The following ILKAP variants were observed in gnomAD, a reference collection of about 807,000 sequenced individuals.
The protein encoded by ILKAP is integrin-linked kinase-associated serine/threonine phosphatase 2C.
Under a neutral mutation model 49.1 loss-of-function variants are expected in ILKAP, and 11 were observed. The observed-to-expected ratio is 0.22, with a 90% CI of 0.14 to 0.37. ILKAP has a LOEUF of 0.37. Among genes scored for constraint, ILKAP ranks in the 10% least tolerant of loss-of-function variants. The pLI, the probability that ILKAP is intolerant of heterozygous loss-of-function variation, is 1.00. For missense variants in ILKAP, 363 were observed against 510.8 expected (o/e 0.71, Z 2.79); for synonymous variants, 186 against 192.8 (o/e 0.96, Z 0.29).
intron 1 of ILKAP, among the ~76,000 whole-genome samples, chr2:238,202,041 A>G (rs1467204158): frequency 6.6e-6 from 1 of 152,090 alleles, no homozygotes; most frequent in Non-Finnish European, 1.5e-5. Flanking sequence ...CCTACCCAAC[A>G]TGGTGAAACC....
chr2:238,172,756 G>A (rs774131427), intron 10 of ILKAP, among the ~76,000 whole-genome samples: 2 of 152,180 alleles, frequency 1.3e-5, no homozygotes, highest in Admixed American at 1.3e-4. Context: ...AGGCCCACTC[G>A]CCACAGTGCC....
Position 238,203,635 on chromosome 2 carries a change from G to GCAGCAGCGGGCGGGCGA in ILKAP, c.-99_-83dup, listed in dbSNP as rs1694673181. 1.1e-6 allele frequency: 1 copy of GCAGCAGCGGGCGGGCGA among 872,838 alleles called. No individual in the cohort carries two copies. Among genetic ancestry groups the GCAGCAGCGGGCGGGCGA allele is most frequent in the Non-Finnish European group, 1.4e-6 (1 of 690,732 alleles). 54.1% of individuals were successfully genotyped at this position (872,838 alleles called of 1,614,324 possible). A position where few individuals can be genotyped will look rare whatever the true frequency, so the allele number is the denominator to read the frequency against. On this transcript the variant is annotated 5_prime_UTR_variant, in exon 1 of 12. Coordinates refer to ENST00000254654, the MANE Select transcript of ILKAP (RefSeq NM_030768.3). ...CCGGGCTCCACACCCCGGGCGGGCG[G>GCAGCAGCGGGCGGGCGA]CAGCAGCGGGCGGGCGACGGGCAGG...
chr2:238,198,301 T>C (rs1372303040), intron 1 of ILKAP, among the ~76,000 whole-genome samples: 1 of 152,052 alleles, frequency 6.6e-6, no homozygotes, highest in African/African-American at 2.4e-5. Context: ...TGCAGTGGTG[T>C]GATCACAGCT....
intron 2 of ILKAP, 44 bp from the exon 3 acceptor site, chr2:238,194,375 A>C: frequency 6.3e-7 from 1 of 1,583,716 alleles, no homozygotes; most frequent in Non-Finnish European, 8.7e-7. Context: ...AAAAATATGT[A>C]AGACTTAAGT....
chr2:238,191,910 A>T (rs1165142464), intron 3 of ILKAP, among the ~76,000 whole-genome samples: 1 of 151,640 alleles, frequency 6.6e-6, no homozygotes, highest in Non-Finnish European at 1.5e-5. Context: ...ATCTCAAAAA[A>T]AAAAAAAAGA....
At chr2:238,175,545 C>T (rs577602534) in intron 9 of ILKAP, among the ~76,000 whole-genome samples, 20 of 152,274 alleles carry the variant, frequency 1.3e-4, no homozygotes, top group African/African-American at 4.8e-4. Context: ...ACACTCAATG[C>T]GATGTCCTAC....
intron 10 of ILKAP, 136 bp from the exon 11 acceptor site, chr2:238,171,160 CTTTT>C (rs370968879): frequency 5.7e-4 from 229 of 398,608 alleles, no homozygotes; most frequent in East Asian, 8.5e-4. Context: ...TTTCTTTTTT[CTTTT>C]TTTTTTTTTT....
intron 1 of ILKAP, 41 bp from the exon 2 acceptor site, chr2:238,194,911 AC>A (rs1344105095): frequency 7.4e-6 from 11 of 1,478,208 alleles, no homozygotes; most frequent in African/African-American, 5.5e-5. Flanking sequence ...TATGGTCATC[AC>A]CCAGGACAGA....
At chr2:238,199,446 G>C (rs1471559387) in intron 1 of ILKAP, among the ~76,000 whole-genome samples, 1 of 152,192 alleles carries the variant, frequency 6.6e-6, no homozygotes, top group Non-Finnish European at 1.5e-5. Flanking sequence ...TAATCTGATG[G>C]GTGAAAAGGT....
rs1694670551 is a variant in ILKAP, at chr2:238,203,601, G to A, written c.-48C>T. The A allele has an allele frequency of 9.1e-6, 10 of 1,101,054 alleles. No individual in the cohort carries two copies. The highest frequency in any genetic ancestry group is 1.1e-5 in the Non-Finnish European group (10 of 894,222). 68.2% of individuals were successfully genotyped at this position (1,101,054 alleles called of 1,614,324 possible). On this transcript the variant is annotated 5_prime_UTR_variant, in exon 1 of 12. Coordinates refer to ENST00000254654, the MANE Select transcript of ILKAP (RefSeq NM_030768.3). ...CAGCAGCGACAGACACTCAGCCCGC[G>A]AGCAGCGGCCGGGCTCCACACCCCG...
At chr2:238,193,370 G>A (rs1390880001) in intron 3 of ILKAP, among the ~76,000 whole-genome samples, 2 of 152,142 alleles carry the variant, frequency 1.3e-5, no homozygotes, top group Non-Finnish European at 2.9e-5. Flanking sequence ...ACAGGCACAT[G>A]CCACCATGCC....
intron 3 of ILKAP, among the ~76,000 whole-genome samples, chr2:238,193,633 A>G (rs1694233099): frequency 6.6e-6 from 1 of 152,226 alleles, no homozygotes; most frequent in Non-Finnish European, 1.5e-5. Context: ...TACAGCCCTG[A>G]AGATTGAGAA....
intron 5 of ILKAP, among the ~76,000 whole-genome samples, chr2:238,187,520 A>G (rs1445681211): frequency 6.6e-6 from 1 of 152,176 alleles, no homozygotes; most frequent in Non-Finnish European, 1.5e-5. Flanking sequence ...TTCCAGGCCC[A>G]AGAGCTTATC....
intron 9 of ILKAP, 171 bp from the exon 10 acceptor site, chr2:238,173,824 GGCCATTAACT>G: frequency 1.2e-6 from 1 of 828,702 alleles, no homozygotes; most frequent in Non-Finnish European, 1.8e-6. Flanking sequence ...GGGGTGTCTA[GGCCATTAACT>G]GCTGCCCTGG....
chr2:238,201,398 T>A (rs1694562549), intron 1 of ILKAP, among the ~76,000 whole-genome samples: 1 of 152,210 alleles, frequency 6.6e-6, no homozygotes, highest in Admixed American at 6.5e-5. Flanking sequence ...AAAGCTATTT[T>A]TAAAAATACA....
intron 3 of ILKAP, among the ~76,000 whole-genome samples, chr2:238,193,874 T>A (rs899604454): frequency 1.3e-5 from 2 of 152,156 alleles, no homozygotes; most frequent in Admixed American, 1.3e-4. Flanking sequence ...TTCTACTTAA[T>A]TAGGACATGA....
chr2:238,182,307 T>G, intron 8 of ILKAP, 121 bp from the exon 9 acceptor site: 1 of 1,162,608 alleles, frequency 8.6e-7, no homozygotes, highest in Non-Finnish European at 1.2e-6. Context: ...GAGTTTCACA[T>G]TCAGCCTCCT....
chr2:238,202,951 G>A (rs971855731), intron 1 of ILKAP, among the ~76,000 whole-genome samples: 1 of 151,844 alleles, frequency 6.6e-6, no homozygotes, highest in Non-Finnish European at 1.5e-5. Context: ...GAGGCATCCT[G>A]TCTTCCAGGC....
Position 238,194,876 on chromosome 2 carries a change from A to G in ILKAP, c.56-6T>C. 6.2e-7 allele frequency: 1 copy of G among 1,611,848 alleles called. No individual in the cohort carries two copies. The highest frequency in any genetic ancestry group is 8.5e-7 in the Non-Finnish European group (1 of 1,177,872). On this transcript the variant is annotated splice_polypyrimidine_tract_variant and splice_region_variant and intron_variant, in intron 1 of 11. Coordinates refer to ENST00000254654, the MANE Select transcript of ILKAP (RefSeq NM_030768.3). ...TCCTTTCTGAGCTTCTTTCCCTAAA[A>G]CACAGAAAACCTGTTTAGAGAGCAT...
Sources: allele counts gnomAD v4.1 joint callset (sites outside exome capture counted in the v4.1 genomes callset), GRCh38; gene constraint gnomAD v4.1.1; transcripts MANE v1.5; gene names NCBI Gene and HGNC (gene_info 2026-07-23, HGNC 2026-07-21).